OR51B5: variants seen among roughly 807,000 people sequenced by gnomAD.
OR51B5 encodes olfactory receptor 51B5.
For synonymous variants in OR51B5, 186 were observed against 144.8 expected (o/e 1.28, Z -2.04); for missense variants, 456 against 374.6 (o/e 1.22, Z -1.79).
chr11:5,490,853 G>A (rs1016472263), intron 1 of OR51B5, among the ~76,000 whole-genome samples: 1 of 152,158 alleles, frequency 6.6e-6, no homozygotes, highest in Non-Finnish European at 1.5e-5. Context: ...ATAATCTCAG[G>A]AACAAAGCAA....
In OR51B5 at chr11:5,441,533, G is replaced by A. The variant is rs780385037; in HGVS notation, n.84+64036C>T. On this transcript the variant is annotated intron_variant and non_coding_transcript_variant, in intron 1 of 4. Transcript: ENST00000415970. ...CCAGCATGGTGGGAGAATATAGATA[G>A]GGAATGGACCCAAGAGGGTGTGTTG... 5 of 1,586,914 alleles carry A rather than the reference G, an allele frequency of 3.2e-6. No individual in the cohort carries two copies. The South Asian group carries it at 5.6e-5, about 18-fold the overall frequency.
intron 1 of OR51B5, among the ~76,000 whole-genome samples, chr11:5,472,493 C>T (rs964618193): frequency 6.6e-6 from 1 of 152,112 alleles, no homozygotes; most frequent in African/African-American, 2.4e-5. Context: ...CAGCCTCCAC[C>T]CACTCCCTGC....
At chr11:5,456,690 G>A (rs1423599712) in intron 1 of OR51B5, among the ~76,000 whole-genome samples, 2 of 152,062 alleles carry the variant, frequency 1.3e-5, no homozygotes, top group Non-Finnish European at 2.9e-5. Context: ...GGGGTTTGGT[G>A]GACAAATTAT....
At chr11:5,345,152 CTATAAATGTAG>C (rs745352326), upstream of OR51B5, among the ~76,000 whole-genome samples, 1 of 152,102 alleles carries the variant, frequency 6.6e-6, no homozygotes, top group Admixed American at 6.6e-5. Context: ...TTTCTTCTTA[CTATAAATGTAG>C]TAAAGACATT....
chr11:5,426,562 T>C (rs1850453285), intron 1 of OR51B5, among the ~76,000 whole-genome samples: 1 of 152,156 alleles, frequency 6.6e-6, no homozygotes, highest in Non-Finnish European at 1.5e-5. Context: ...AAGTATAGTA[T>C]GTACTCTACC....
At chr11:5,370,739 A>C (rs910713988) in intron 1 of OR51B5, among the ~76,000 whole-genome samples, 1 of 152,228 alleles carries the variant, frequency 6.6e-6, no homozygotes, top group Non-Finnish European at 1.5e-5. Context: ...ACGGAAAGGA[A>C]ATAATAAAAA....
At chr11:5,503,565 T>C (rs1433668473) in intron 1 of OR51B5, among the ~76,000 whole-genome samples, 2 of 152,222 alleles carry the variant, frequency 1.3e-5, no homozygotes, top group Non-Finnish European at 2.9e-5. Context: ...TGACATCTGC[T>C]ATAAAGTGTA....
intron 1 of OR51B5, among the ~76,000 whole-genome samples, chr11:5,443,142 G>A (rs991040947): frequency 6.6e-6 from 1 of 152,034 alleles, no homozygotes; most frequent in Non-Finnish European, 1.5e-5. Flanking sequence ...TATTTTCATG[G>A]TATTTGATAT....
At chr11:5,429,304 C>T (rs1249664467) in intron 1 of OR51B5, among the ~76,000 whole-genome samples, 4 of 152,106 alleles carry the variant, frequency 2.6e-5, no homozygotes, top group African/African-American at 4.8e-5. Flanking sequence ...CACCGCAATA[C>T]CAGGGTCTCA....
intron 1 of OR51B5, among the ~76,000 whole-genome samples, chr11:5,433,629 CA>C (rs1477928643): frequency 6.6e-6 from 1 of 152,100 alleles, no homozygotes; most frequent in South Asian, 2.1e-4. Flanking sequence ...GGAGTCATAC[CA>C]GCCTGGGCAA....
At chr11:5,372,610 T>A (rs1419616523) in intron 1 of OR51B5, among the ~76,000 whole-genome samples, 1 of 152,192 alleles carries the variant, frequency 6.6e-6, no homozygotes, top group African/African-American at 2.4e-5. Flanking sequence ...TAGGTTACTA[T>A]TATATTTTTT....
chr11:5,415,896 A>C (rs1850235886), intron 1 of OR51B5, among the ~76,000 whole-genome samples: 1 of 149,486 alleles, frequency 6.7e-6, no homozygotes, highest in Admixed American at 6.7e-5. Flanking sequence ...AATCAACAGA[A>C]AAAGAGGGAA....
intron 1 of OR51B5, among the ~76,000 whole-genome samples, chr11:5,402,406 A>G (rs1849984427): frequency 6.6e-6 from 1 of 152,220 alleles, no homozygotes. Context: ...AGCACTCTCC[A>G]TACTGGAAAT....
rs61736831 is a variant in OR51B5, at chr11:5,440,611, G to T, written n.84+64958C>A. ...TGGAAGAACTTGAGAATCCCTTTGC[G>T]GATCTCCTTGGTTTTCACACTGTAG... On this transcript the variant is annotated intron_variant and non_coding_transcript_variant, in intron 1 of 4. Coordinates refer to the OR51B5 transcript ENST00000415970. 2.5e-6 allele frequency: 4 copies of T among 1,613,592 alleles called. No homozygotes were observed. The Admixed American group carries it at 6.7e-5, about 27-fold the overall frequency.
chr11:5,490,259 T>A (rs1416347282), intron 1 of OR51B5, among the ~76,000 whole-genome samples: 10 of 152,324 alleles, frequency 6.6e-5, no homozygotes, highest in African/African-American at 2.4e-5. Flanking sequence ...GTGACTAACA[T>A]GTACTCAATA....
chr11:5,412,104 T>C (rs996124989), intron 1 of OR51B5, among the ~76,000 whole-genome samples: 21 of 152,308 alleles, frequency 1.4e-4, no homozygotes, highest in African/African-American at 5.1e-4. Context: ...GCACAGACCT[T>C]TCTCTCCTCC....
At chr11:5,397,782 C>T (rs1849901314) in intron 1 of OR51B5, among the ~76,000 whole-genome samples, 1 of 150,834 alleles carries the variant, frequency 6.6e-6, no homozygotes, top group African/African-American at 2.4e-5. Flanking sequence ...TTCACAATAG[C>T]AAAGACTTGG....
At chr11:5,454,721 CTAATA>C (rs1412328100) in intron 1 of OR51B5, 14 of 207,140 alleles carry the variant, frequency 6.8e-5, no homozygotes, top group African/African-American at 3.0e-4. Context: ...ATGAATATTA[CTAATA>C]TAATAATTAA....
At position 5,424,875 on chromosome 11, in the gene OR51B5, A is replaced by C. The variant is rs75266500; in HGVS notation, n.85-77965T>G. 1.8e-3 allele frequency among the ~76,000 whole-genome samples: 155 copies of C among 86,842 alleles called. 12 individuals carry two copies. The highest frequency in any genetic ancestry group is 0.011 in the Middle Eastern group (2 of 174). The allele number at this position is 86,842 out of a possible 152,430, so 57.0% of individuals were successfully genotyped here. ...CGGGCGCCTATAGTCCCAGCTACTC[A>C]GGAGGCTGAGGCAGGAGAATGGCGG... On this transcript the variant is annotated intron_variant and non_coding_transcript_variant, in intron 1 of 4. Coordinates refer to the OR51B5 transcript ENST00000415970.
Sources: allele counts gnomAD v4.1 joint callset (sites outside exome capture counted in the v4.1 genomes callset), GRCh38; gene constraint gnomAD v4.1.1; transcripts MANE v1.5; gene names NCBI Gene and HGNC (gene_info 2026-07-23, HGNC 2026-07-21).